Variants in SEPTIN3 observed in about 807,000 individuals in gnomAD.
SEPTIN3 encodes neuronal-specific septin-3.
In SEPTIN3, 15 loss-of-function variants were observed where a neutral mutation model predicts 45.1. The observed-to-expected ratio is 0.33, with a 90% CI of 0.22 to 0.51. SEPTIN3 has a LOEUF of 0.51. Ranked by LOEUF, SEPTIN3 falls within the 20% of genes least tolerant of loss-of-function variation. SEPTIN3 has a pLI of 0.97. For missense variants in SEPTIN3, 289 were observed against 457.2 expected, an observed-to-expected ratio of 0.63 and a Z score of 3.35; for synonymous variants, 148 against 164.8, an observed-to-expected ratio of 0.90 and a Z score of 0.78.
At chr22:41,991,809 G>A (rs1481556103) in intron 8 of SEPTIN3, 141 bp downstream of exon 8, 2 of 684,668 alleles carry the variant, frequency 2.9e-6, no homozygotes, top group African/African-American at 1.8e-5. Flanking sequence ...GACATAGGGG[G>A]ATGGGGAGGA....
intron 11 of SEPTIN3, chr22:41,996,299 C>T (rs534501813): frequency 6.5e-5 from 64 of 985,312 alleles, no homozygotes; most frequent in Non-Finnish European, 7.4e-5. Context: ...TCATGAAATT[C>T]GGGGCCAGGG....
intron 1 of SEPTIN3, among the ~76,000 whole-genome samples, chr22:41,970,620 T>C (rs2077949181): frequency 6.6e-6 from 1 of 152,116 alleles, no homozygotes; most frequent in Non-Finnish European, 1.5e-5. Flanking sequence ...CCCTGCTACA[T>C]ACAGCCTAGG....
rs55642127 is a variant in SEPTIN3 at position 41,974,860 on chromosome 22, G to GAAAAAAA, written c.1504+1886_1504+1892dup. 3.5e-4 allele frequency among the ~76,000 whole-genome samples: 26 copies of GAAAAAAA among 74,292 alleles called. 5 individuals are homozygous for GAAAAAAA. The highest frequency in any genetic ancestry group is 8.7e-4 in the African/African-American group (17 of 19,598). The allele number at this position is 74,292 out of a possible 152,430, so 48.7% of individuals were successfully genotyped here. A position where few individuals can be genotyped will look rare whatever the true frequency, so the allele number is the denominator to read the frequency against. On this transcript the variant is annotated intron_variant, in intron 2 of 11. Transcript: ENST00000644076. ...ACAGAGCGAGACTCTGTCTCAAAAA[G>GAAAAAAA]AAAAAAAAAAAAAAAAAAAAAAAAA...
rs1470457850 is a variant in SEPTIN3 at position 41,992,661 on chromosome 22, C to T, written c.2260-3C>T. ...GTCTGGTTTGTGTTTCTGCCCCGTG[C>T]AGCAGGAGAGCATGCCTTTTGCTGT... On this transcript the variant is annotated splice_region_variant and splice_polypyrimidine_tract_variant and intron_variant, in intron 8 of 11. Coordinates refer to ENST00000644076, the MANE Select transcript of SEPTIN3 (RefSeq NM_001363845.2). 2 of 1,593,608 alleles carry T rather than the reference C, an allele frequency of 1.3e-6. No homozygotes were observed. The highest frequency in any genetic ancestry group is 1.7e-6 in the Non-Finnish European group (2 of 1,168,204).
Position 41,972,197 on chromosome 22 carries a change from C to G in SEPTIN3, c.705C>G (p.Pro235=). The G allele has an allele frequency of 2.5e-6, 1 of 399,102 alleles. No homozygotes were observed. Among genetic ancestry groups the G allele is most frequent in the South Asian group, 1.3e-4 (1 of 7,844 alleles). 24.7% of individuals were successfully genotyped at this position (399,102 alleles called of 1,614,324 possible). A position where few individuals can be genotyped will look rare whatever the true frequency, so the allele number is the denominator to read the frequency against. ...GAGCTTCTCCAGGAAAAGGCAAGCC[C>G]CGGGCCAGGGGGATCCCCAGACCCC... The part of the protein sequence containing the change: ...PTRASPGKGK[P]RARGIPRPRG... Residue 235 remains proline (P), a synonymous_variant, in exon 2 of 12, where the codon CCC becomes CCG. Coordinates refer to ENST00000644076, the MANE Select transcript of SEPTIN3 (RefSeq NM_001363845.2).
chr22:41,995,989 C>T, intron 11 of SEPTIN3: 1 of 985,282 alleles, frequency 1.0e-6, no homozygotes. Context: ...TCCGTTTTCT[C>T]CGTCAGACTT....
Position 41,997,029 on chromosome 22 carries a change from GC to G in SEPTIN3, c.*65del. ...TCAGCTGTTATTGCTGCAGGGCCAA[GC>G]CCTTTTTAGTGCTGTGCTCGTCCAG... On this transcript the variant is annotated 3_prime_UTR_variant, in exon 12 of 12. Coordinates refer to ENST00000644076, the MANE Select transcript of SEPTIN3 (RefSeq NM_001363845.2). 1 of 1,612,076 alleles carries G rather than the reference GC, an allele frequency of 6.2e-7. No homozygotes were observed. The highest frequency in any genetic ancestry group is 8.5e-7 in the Non-Finnish European group (1 of 1,179,302).
intron 8 of SEPTIN3, among the ~76,000 whole-genome samples, chr22:41,992,343 C>T (rs1274876011): frequency 6.6e-6 from 1 of 152,072 alleles, no homozygotes; most frequent in Non-Finnish European, 1.5e-5. Context: ...TGTGCCATTG[C>T]ACTCCAGCCT....
chr22:41,996,205 C>T (rs2078434470), intron 11 of SEPTIN3: 7 of 985,134 alleles, frequency 7.1e-6, no homozygotes, highest in Non-Finnish European at 8.4e-6. Context: ...TCTTGCCTTT[C>T]CCTGAAGCCC....
chr22:41,990,042 A>G (rs2078279458), intron 7 of SEPTIN3, among the ~76,000 whole-genome samples: 1 of 142,958 alleles, frequency 7.0e-6, no homozygotes, highest in East Asian at 2.0e-4. Context: ...CCTCACTGGC[A>G]TCTTCTCTTT....
In SEPTIN3 at chr22:41,994,160, G is replaced by A; in HGVS notation, c.2360-130G>A. ...CCCAAGTGAGCAAATCTCTGGAAGG[G>A]TTACAAAAAATGACCTGTCCCATAG... On this transcript the variant is annotated intron_variant, in intron 9 of 11. Coordinates refer to ENST00000644076, the MANE Select transcript of SEPTIN3 (RefSeq NM_001363845.2). This position sits in a 1 kb window ranked among gnomAD's most constrained non-coding sequence, Gnocchi z 4.2. 2.7e-6 allele frequency: 2 copies of A among 744,418 alleles called. No homozygotes were observed. The highest frequency in any genetic ancestry group is 3.5e-5 in the African/African-American group (2 of 57,892). 46.1% of individuals were successfully genotyped at this position (744,418 alleles called of 1,614,324 possible). A position where few individuals can be genotyped will look rare whatever the true frequency, so the allele number is the denominator to read the frequency against.
intron 3 of SEPTIN3, among the ~76,000 whole-genome samples, chr22:41,984,844 CCTTTTTTTTT>C (rs2078177559): frequency 9.1e-6 from 1 of 109,842 alleles, no homozygotes; most frequent in Admixed American, 9.8e-5. Flanking sequence ...AGTGGTTTTC[CCTTTTTTTTT>C]TTTTTTTTTT....
chr22:41,996,233 A>G (rs2078434989), intron 11 of SEPTIN3: 1 of 985,026 alleles, frequency 1.0e-6, no homozygotes, highest in South Asian at 4.7e-5. Flanking sequence ...ATTAATGCAT[A>G]TATTTCCCCT....
chr22:41,973,476 G>A (rs1473411450), intron 2 of SEPTIN3, among the ~76,000 whole-genome samples: 4 of 147,680 alleles, frequency 2.7e-5, no homozygotes, highest in Admixed American at 6.8e-5. Flanking sequence ...TGGCTAACAC[G>A]GTGAAACCCC....
At chr22:41,970,571 G>T (rs888300465) in intron 1 of SEPTIN3, among the ~76,000 whole-genome samples, 1 of 152,062 alleles carries the variant, frequency 6.6e-6, no homozygotes, top group East Asian at 1.9e-4. Context: ...CTGTAGCCTG[G>T]CCTGGACCCC....
chr22:41,994,690 C>T lies in SEPTIN3; in HGVS notation c.2481C>T (p.Leu827=). The T allele has an allele frequency of 3.1e-6, 5 of 1,614,160 alleles. No homozygotes were observed. Among genetic ancestry groups the T allele is most frequent in the East Asian group, 2.2e-5 (1 of 44,880 alleles). The change falls in exon 11 of 12, where the codon CTC becomes CTT. Residue 827 remains leucine, a synonymous_variant. Coordinates refer to ENST00000644076, the MANE Select transcript of SEPTIN3 (RefSeq NM_001363845.2). This position sits in a 1 kb window ranked among gnomAD's most constrained non-coding sequence, Gnocchi z 4.2. ...ATGAGACTTACAGGGCCAAGCGGCTCAATGACAATGGAGGCCTCCCTCCGG... is the reference window on the plus strand; with the variant it reads ...ATGAGACTTACAGGGCCAAGCGGCTTAATGACAATGGAGGCCTCCCTCCGG... ...IHYETYRAKR[L]NDNGGLPPGE...
chr22:41,991,433 G>T (rs1042262747), intron 7 of SEPTIN3, 140 bp from the exon 8 acceptor site: 2 of 683,982 alleles, frequency 2.9e-6, no homozygotes, highest in African/African-American at 1.8e-5. Context: ...GCTGCTCAGG[G>T]TCTCAGAGTT....
chr22:41,977,101 A>C, intron 2 of SEPTIN3: 2 of 1,582,486 alleles, frequency 1.3e-6, no homozygotes, highest in South Asian at 1.1e-5. Flanking sequence ...GGCCACCGGC[A>C]CCCGCCAGGA....
At chr22:41,974,673 A>G (rs1054187340) in intron 2 of SEPTIN3, among the ~76,000 whole-genome samples, 1 of 150,278 alleles carries the variant, frequency 6.7e-6, no homozygotes, top group Non-Finnish European at 1.5e-5. Context: ...AAAAAAAAAA[A>G]AAAAGAAAAA....
Sources: allele counts gnomAD v4.1 joint callset (sites outside exome capture counted in the v4.1 genomes callset), GRCh38; gene constraint gnomAD v4.1.1; non-coding constraint Gnocchi (gnomAD v3.1); transcripts MANE v1.5; gene names NCBI Gene and HGNC (gene_info 2026-07-23, HGNC 2026-07-21).